Variants in SEMA6C observed in about 807,000 individuals in gnomAD.
The protein encoded by SEMA6C is semaphorin-6C.
Under a neutral mutation model 72.9 loss-of-function variants are expected in SEMA6C, and 37 were observed. The ratio of observed to expected loss-of-function variants is 0.51; its 90% CI spans 0.39 to 0.67. The LOEUF is 0.67. Ranked by LOEUF, SEMA6C falls within the 30% of genes least tolerant of loss-of-function variation. The pLI, the probability that SEMA6C is intolerant of heterozygous loss-of-function variation, is 0.00. For missense variants in SEMA6C, 1,189 were observed against 1,263.6 expected (o/e 0.94, Z 0.89); for synonymous variants, 578 against 554.1 (o/e 1.04, Z -0.61).
intron 1 of SEMA6C, among the ~76,000 whole-genome samples, chr1:151,144,779 G>A (rs1402795028): frequency 3.3e-5 from 5 of 152,270 alleles, no homozygotes; most frequent in South Asian, 2.1e-4. Context: ...TAGCAAAAGC[G>A]CCTTAGCTAG....
Position 151,132,390 on chromosome 1 carries a change from G to C in SEMA6C, c.*94C>G. The C allele has an allele frequency of 6.6e-7, 1 of 1,523,496 alleles. No individual in the cohort carries two copies. The highest frequency in any genetic ancestry group is 2.5e-5 in the East Asian group (1 of 40,624). The allele number at this position is 1,523,496 out of a possible 1,614,324, so 94.4% of individuals were successfully genotyped here. A position where few individuals can be genotyped will look rare whatever the true frequency, so the allele number is the denominator to read the frequency against. On this transcript the variant is annotated 3_prime_UTR_variant, in exon 19 of 19. Coordinates refer to ENST00000368914, the MANE Select transcript of SEMA6C (RefSeq NM_030913.6). The stretch of plus-strand genomic sequence containing the variant: ...GCGAGTCGGGAAGGCTGGAGGTGCG[G>C]GGCGAGGGGGCGGTGAAACGTCCTG...
Position 151,139,710 on chromosome 1 carries a change from G to A in SEMA6C, c.234-9C>T, listed in dbSNP as rs756980292. ...AGGAGAAAACGTGATCCCTGAGGGG[G>A]TAGGTAAGGAGGGGTCAGAGCCTAG... On this transcript the variant is annotated splice_polypyrimidine_tract_variant and intron_variant, in intron 4 of 18. Coordinates refer to ENST00000368914, the MANE Select transcript of SEMA6C (RefSeq NM_030913.6). 3.1e-6 allele frequency: 5 copies of A among 1,596,048 alleles called. No homozygotes were observed. Among genetic ancestry groups the A allele is most frequent in the Non-Finnish European group, 4.3e-6 (5 of 1,168,072 alleles).
chr1:151,135,323 A>G lies in SEMA6C; in HGVS notation c.1434-14T>C, dbSNP rs367555366. ...TTCCCACTGCACCTAGGGTGAGGCC[A>G]GAAGGAACCAGAGATGGACAGATGA... On this transcript the variant is annotated splice_polypyrimidine_tract_variant and intron_variant, in intron 14 of 18. Transcript: ENST00000368914. 44 of 1,609,234 alleles carry G rather than the reference A, an allele frequency of 2.7e-5. 1 individual carries two copies. The African/African-American group carries it at 5.1e-4, about 19-fold the overall frequency.
Position 151,138,379 on chromosome 1 carries a change from C to G in SEMA6C, c.484G>C (p.Glu162Gln). The G allele has an allele frequency of 6.2e-7, 1 of 1,613,932 alleles. No individual in the cohort carries two copies. The highest frequency in any genetic ancestry group is 8.5e-7 in the Non-Finnish European group (1 of 1,179,902). The change falls in exon 8 of 19, where the codon GAA becomes CAA. Residue 162 changes from glutamate (E) to glutamine (Q), a missense_variant. Physicochemically the swap from Glu to Gln is conservative, Grantham distance 29. Around this residue, in one of 2 missense-constraint regions of SEMA6C, gnomAD observed 468 missense variants for 577.4 expected, o/e 0.81. Coordinates refer to ENST00000368914, the MANE Select transcript of SEMA6C (RefSeq NM_030913.6). ...GITSLQQEGE[E>Q]LSGQARCPFD... Reference sequence around the variant, plus strand: ...GGGCATCGAGCCTGCCCACTCAGTTCCTCACCCTCCTGCTGCAGCGAAGTT... The same window carrying G: ...GGGCATCGAGCCTGCCCACTCAGTTGCTCACCCTCCTGCTGCAGCGAAGTT...
rs1228544800 is a variant in SEMA6C, at chr1:151,132,904, G to A, written c.2373C>T (p.Thr791=). 3 of 1,359,748 alleles carry A rather than the reference G, an allele frequency of 2.2e-6. No homozygotes were observed. The highest frequency in any genetic ancestry group is 1.9e-6 in the Non-Finnish European group (2 of 1,057,864). 84.2% of individuals were successfully genotyped at this position (1,359,748 alleles called of 1,614,324 possible). A position where few individuals can be genotyped will look rare whatever the true frequency, so the allele number is the denominator to read the frequency against. Reference sequence around the variant, plus strand: ...CGGGCTCCGGCGGGAGCGCCCGCGAGGTTAAAGGGGCGGGGGGCTCGGCCC... The same window carrying A: ...CGGGCTCCGGCGGGAGCGCCCGCGAAGTTAAAGGGGCGGGGGGCTCGGCCC... The part of the protein sequence containing the change: ...RKGAEPPAPL[T]SRALPPEPAP... The change falls in exon 19 of 19, where the codon ACC becomes ACT. Residue 791 remains threonine, a synonymous_variant. Transcript: ENST00000368914.
rs587736750 is a variant in SEMA6C, at chr1:151,138,499, A to G, written c.457-93T>C. ...CTCCTGTCCCGTTGCCTCCTCCCCA[A>G]CCCCTCTGGACCCTTGCATTCTGGG... is the stretch of plus-strand genomic sequence containing the variant. On this transcript the variant is annotated intron_variant, in intron 7 of 18. Transcript: ENST00000368914. 8 of 1,407,786 alleles carry G rather than the reference A, an allele frequency of 5.7e-6. No individual in the cohort carries two copies. In the East Asian group the frequency reaches 1.4e-4, roughly 25 times the overall value. The allele number at this position is 1,407,786 out of a possible 1,614,324, so 87.2% of individuals were successfully genotyped here. A position where few individuals can be genotyped will look rare whatever the true frequency, so the allele number is the denominator to read the frequency against.
chr1:151,133,901 C>T lies in SEMA6C; in HGVS notation c.1760-384G>A, dbSNP rs756264562. On this transcript the variant is annotated intron_variant, in intron 18 of 18. Transcript: ENST00000368914. This position sits in a 1 kb window ranked among gnomAD's most constrained non-coding sequence, Gnocchi z 5.9. ...ACACCATTCAGTGAGGGGCTTAGAA[C>T]GCTCCGAGAATCAGCAGCCCCACAC... 8.0e-6 allele frequency: 11 copies of T among 1,373,660 alleles called. No individual in the cohort carries two copies. Among genetic ancestry groups the T allele is most frequent in the Non-Finnish European group, 1.0e-5 (10 of 987,096 alleles). The allele number at this position is 1,373,660 out of a possible 1,614,324, so 85.1% of individuals were successfully genotyped here. A position where few individuals can be genotyped will look rare whatever the true frequency, so the allele number is the denominator to read the frequency against.
intron 8 of SEMA6C, 57 bp from the exon 9 acceptor site, chr1:151,138,162 C>T: frequency 3.1e-6 from 5 of 1,600,512 alleles, no homozygotes; most frequent in South Asian, 1.1e-5. Flanking sequence ...TATCCTGCCT[C>T]TTCTTGGGCC....
chr1:151,140,128 C>T, intron 3 of SEMA6C, 38 bp from the exon 4 acceptor site: 1 of 1,540,232 alleles, frequency 6.5e-7, no homozygotes, highest in Non-Finnish European at 8.9e-7. Context: ...GAGGATACCA[C>T]AAACTTCCCC....
Position 151,133,281 on chromosome 1 carries a change from G to T in SEMA6C, c.1996C>A (p.Pro666Thr), listed in dbSNP as rs762454018. The T allele has an allele frequency of 2.5e-6, 4 of 1,578,148 alleles. No homozygotes were observed. Among genetic ancestry groups the T allele is most frequent in the Non-Finnish European group, 8.6e-7 (1 of 1,166,582 alleles). The change falls in exon 19 of 19, where the codon CCG becomes ACG. Residue 666 changes from proline (P) to threonine (T), a missense_variant. This residue lies in a region of SEMA6C where 721 missense variants were observed against 686.2 expected (regional missense o/e 1.05). Coordinates refer to ENST00000368914, the MANE Select transcript of SEMA6C (RefSeq NM_030913.6). The surrounding 1 kb of genome is among the most constrained non-coding windows in gnomAD (Gnocchi z 5.9). The stretch of plus-strand genomic sequence containing the variant: ...ACCGCGTCCCCGTCCTTGGAGGGCG[G>T]CGGGGGCTCTGGGCCCCCACCGTGG... ...RLHGGGPEPP[P>T]PSKDGDAVQT...
In SEMA6C at chr1:151,133,839, G is replaced by C; in HGVS notation, c.1760-322C>G. 1.0e-6 allele frequency: 1 copy of C among 987,242 alleles called. No homozygotes were observed. Among genetic ancestry groups the C allele is most frequent in the Admixed American group, 2.7e-5 (1 of 37,470 alleles). 61.2% of individuals were successfully genotyped at this position (987,242 alleles called of 1,614,324 possible). On this transcript the variant is annotated intron_variant, in intron 18 of 18. Coordinates refer to ENST00000368914, the MANE Select transcript of SEMA6C (RefSeq NM_030913.6). This position sits in a 1 kb window ranked among gnomAD's most constrained non-coding sequence, Gnocchi z 5.9. The stretch of plus-strand genomic sequence containing the variant: ...TCGGGGCTGGGATGCCCAATTCTGG[G>C]GAAGGGAGGCTCCAAACAGGCGTTA...
In SEMA6C at chr1:151,136,553, A is replaced by G. The variant is rs1460275002; in HGVS notation, c.1001T>C (p.Phe334Ser). 1 of 1,614,128 alleles carries G rather than the reference A, an allele frequency of 6.2e-7. No homozygotes were observed. The highest frequency in any genetic ancestry group is 1.7e-5 in the Admixed American group (1 of 60,026). The change falls in exon 12 of 19, where the codon TTC becomes TCC. Residue 334 changes from phenylalanine (F) to serine (S), a missense_variant. By Grantham distance (155) the Phe-to-Ser change is radical. Transcript: ENST00000368914. The part of the protein sequence containing the change: ...NSIPGSAVCA[F>S]YLDEIERGFE... ...CCCACGCTCAATCTCATCCAGGTAG[A>G]AGGCGCAGACGGCAGAGCCAGGGAT... is the stretch of plus-strand genomic sequence containing the variant.
intron 18 of SEMA6C, chr1:151,134,124 C>G (rs1260272855): frequency 1.7e-6 from 2 of 1,151,394 alleles, no homozygotes; most frequent in Non-Finnish European, 2.4e-6. Context: ...TTCCAGGGGT[C>G]CTTCCTCCCT....
In SEMA6C at chr1:151,132,257, C is replaced by T; in HGVS notation, c.*227G>A. 6.6e-7 allele frequency: 1 copy of T among 1,525,454 alleles called. No individual in the cohort carries two copies. The highest frequency in any genetic ancestry group is 8.8e-7 in the Non-Finnish European group (1 of 1,140,554). 94.5% of individuals were successfully genotyped at this position (1,525,454 alleles called of 1,614,324 possible). A position where few individuals can be genotyped will look rare whatever the true frequency, so the allele number is the denominator to read the frequency against. ...GAGTCCGCCAGCTCCCCCTGAAATG[C>T]TGGCTCACTGAGGAGACGGGCTTCT... On this transcript the variant is annotated 3_prime_UTR_variant, in exon 19 of 19. Coordinates refer to ENST00000368914, the MANE Select transcript of SEMA6C (RefSeq NM_030913.6).
chr1:151,133,565 C>G lies in SEMA6C; in HGVS notation c.1760-48G>C. Reference sequence around the variant, plus strand: ...GAGGCTCAGCCAAGGGGAGGCGGTGCGGGGTACCTAGGCCCAGAGGCGCCG... The same window carrying G: ...GAGGCTCAGCCAAGGGGAGGCGGTGGGGGGTACCTAGGCCCAGAGGCGCCG... On this transcript the variant is annotated intron_variant, in intron 18 of 18. Transcript: ENST00000368914. The surrounding 1 kb of genome is among the most constrained non-coding windows in gnomAD (Gnocchi z 5.9). 5.5e-6 allele frequency: 8 copies of G among 1,454,612 alleles called. No homozygotes were observed. Among genetic ancestry groups the G allele is most frequent in the Non-Finnish European group, 7.2e-6 (8 of 1,107,682 alleles). The allele number at this position is 1,454,612 out of a possible 1,614,324, so 90.1% of individuals were successfully genotyped here. A position where few individuals can be genotyped will look rare whatever the true frequency, so the allele number is the denominator to read the frequency against.
At chr1:151,139,387 T>G in intron 6 of SEMA6C, 38 bp downstream of exon 6, 2 of 1,566,526 alleles carry the variant, frequency 1.3e-6, no homozygotes, top group Middle Eastern at 1.7e-4. Context: ...GGCAGAGTAA[T>G]CCTCTCCTTC....
In SEMA6C at chr1:151,134,471, T is replaced by TG. The variant is rs755360865; in HGVS notation, c.1715-27dup. On this transcript the variant is annotated intron_variant, in intron 17 of 18. Coordinates refer to ENST00000368914, the MANE Select transcript of SEMA6C (RefSeq NM_030913.6). ...CTATGAAGAAGGGACAGGGTGAAGA[T>TG]GGGGGGAAAGAGAAGCTTCATGAAG... 31 of 1,608,522 alleles carry TG rather than the reference T, an allele frequency of 1.9e-5. No homozygotes were observed. The Admixed American group carries it at 2.2e-4, about 11-fold the overall frequency.
chr1:151,136,306 C>T (rs587654041), intron 12 of SEMA6C, 142 bp downstream of exon 12: 2 of 1,467,776 alleles, frequency 1.4e-6, no homozygotes, highest in East Asian at 2.3e-5. Context: ...CCCTTCCCTG[C>T]CGCAGCTCTT....
chr1:151,138,285 A>T (rs1682231738), intron 8 of SEMA6C, 31 bp downstream of exon 8: 1 of 1,610,234 alleles, frequency 6.2e-7, no homozygotes, highest in Non-Finnish European at 8.5e-7. Context: ...CTCCAGCCAC[A>T]TGCTTTCTTC....
Sources: gnomAD v4.1 joint callset for allele counts (sites outside exome capture counted in the v4.1 genomes callset) on GRCh38, gnomAD v4.1.1 for gene constraint, gnomAD v4.1.1 regional missense constraint, Gnocchi (gnomAD v3.1) non-coding constraint, MANE v1.5 for transcripts, NCBI Gene and HGNC (gene_info 2026-07-23, HGNC 2026-07-21) for gene names.